WSB1: variants seen among roughly 807,000 people sequenced by gnomAD.
WSB1 encodes the protein WD repeat and SOCS box containing 1.
A neutral mutation model predicts 50.2 loss-of-function variants in WSB1; 23 were observed. The ratio of observed to expected loss-of-function variants is 0.46; its 90% CI spans 0.33 to 0.65. The LOEUF (loss-of-function observed/expected upper bound fraction) is 0.65. Among genes scored for constraint, WSB1 ranks in the 30% least tolerant of loss-of-function variants. The pLI, the probability that WSB1 is intolerant of heterozygous loss-of-function variation, is 0.02. For missense variants in WSB1, 492 were observed against 522.3 expected, an observed-to-expected ratio of 0.94 and a Z score of 0.56; for synonymous variants, 179 against 172.0, an observed-to-expected ratio of 1.04 and a Z score of -0.32.
chr17:27,296,049 G>T (rs1204659826), intron 1 of WSB1, among the ~76,000 whole-genome samples: 1 of 152,062 alleles, frequency 6.6e-6, no homozygotes, highest in East Asian at 1.9e-4. Context: ...GGTCAGGCTG[G>T]TCTCGAACTC....
At chr17:27,311,638 T>C (rs1365826121) in intron 8 of WSB1, 22 bp downstream of exon 8, 35 of 1,343,728 alleles carry the variant, frequency 2.6e-5, no homozygotes, top group Non-Finnish European at 3.4e-5. Context: ...TTTCTCTTTT[T>C]TTTTTTTTTT....
At chr17:27,294,485 G>C (rs756974743) in intron 1 of WSB1, 50 bp downstream of exon 1, 34 of 1,608,450 alleles carry the variant, frequency 2.1e-5, no homozygotes, top group Non-Finnish European at 3.4e-6. Flanking sequence ...GAGAGGCAGG[G>C]ACTCCCCGGA....
At chr17:27,310,239 C>G (rs539410618) in intron 7 of WSB1, 65 bp downstream of exon 7, 157 of 1,468,254 alleles carry the variant, frequency 1.1e-4, no homozygotes, top group Middle Eastern at 7.2e-4. Flanking sequence ...GCCTTAAAGC[C>G]TTTCTGCAGT....
Position 27,312,448 on chromosome 17 carries a change from CT to C in WSB1, c.*80del. On this transcript the variant is annotated 3_prime_UTR_variant, in exon 9 of 9. Transcript: ENST00000262394. Reference sequence around the variant, plus strand: ...CTCAAGCTTTACTGACTTCAATTATCTGTTTTTAAAGACGTAGAAGATTTAT... The same window carrying C: ...CTCAAGCTTTACTGACTTCAATTATCGTTTTTAAAGACGTAGAAGATTTAT... 1.3e-6 allele frequency: 2 copies of C among 1,544,020 alleles called. No homozygotes were observed. The highest frequency in any genetic ancestry group is 1.7e-6 in the Non-Finnish European group (2 of 1,144,966).
At chr17:27,296,537 A>G (rs932362025) in intron 1 of WSB1, among the ~76,000 whole-genome samples, 10 of 152,188 alleles carry the variant, frequency 6.6e-5, no homozygotes, top group Non-Finnish European at 4.4e-5. Flanking sequence ...TAGAGGCAAG[A>G]TTTCCATGAA....
rs1477152877 is a variant in WSB1 at position 27,306,807 on chromosome 17, G to T, written c.636G>T (p.Gly212=). 2 of 1,614,116 alleles carry T rather than the reference G, an allele frequency of 1.2e-6. No individual in the cohort carries two copies. The change falls in exon 5 of 9, where the codon GGG becomes GGT. Residue 212 remains glycine, a synonymous_variant. Coordinates refer to ENST00000262394, the MANE Select transcript of WSB1 (RefSeq NM_015626.10). ...GAAACATGATGAAAGTATTGAGGGG[G>T]CATCAGAATTGGGTGTACAGCTGTG... ...DDGNMMKVLR[G]HQNWVYSCAF...
chr17:27,306,499 G>A (rs1391490542), intron 4 of WSB1, among the ~76,000 whole-genome samples: 1 of 152,088 alleles, frequency 6.6e-6, no homozygotes, highest in Non-Finnish European at 1.5e-5. Flanking sequence ...ACAGACAAGA[G>A]CCACCGCGCC....
At chr17:27,305,165 C>T (rs190822387) in intron 4 of WSB1, among the ~76,000 whole-genome samples, 58 of 152,270 alleles carry the variant, frequency 3.8e-4, no homozygotes, top group African/African-American at 1.3e-3. Context: ...TCTGTATCAA[C>T]TATCTGAGGA....
chr17:27,298,274 A>G (rs1257312719), intron 1 of WSB1, among the ~76,000 whole-genome samples: 1 of 152,132 alleles, frequency 6.6e-6, no homozygotes, highest in Non-Finnish European at 1.5e-5. Context: ...TTACATAAAT[A>G]TTCTCCATAG....
At chr17:27,307,992 A>AAAAT (rs1597766315) in intron 5 of WSB1, 2 of 1,240,034 alleles carry the variant, frequency 1.6e-6, no homozygotes, top group African/African-American at 3.1e-5. Flanking sequence ...CCCCCACAGT[A>AAAAT]AAATACACTG....
chr17:27,310,187 A>G lies in WSB1; in HGVS notation c.998+13A>G, dbSNP rs1365384525. The G allele has an allele frequency of 4.3e-6, 7 of 1,610,532 alleles. No individual in the cohort carries two copies. In the Admixed American group the frequency reaches 5.0e-5, roughly 12 times the overall value. On this transcript the variant is annotated intron_variant, in intron 7 of 8. Coordinates refer to ENST00000262394, the MANE Select transcript of WSB1 (RefSeq NM_015626.10). The stretch of plus-strand genomic sequence containing the variant: ...TTGCTGATGATAAGTAAGTATGTGC[A>G]TTATAGCTTGACTGACTTACTATTA...
Position 27,312,584 on chromosome 17 carries a change from TC to T in WSB1, c.*216del. ...TATCAAATATAAATTTTTTTAAAGA[TC>T]TAACTGTGAAAACATACATACCTGT... On this transcript the variant is annotated 3_prime_UTR_variant, in exon 9 of 9. Coordinates refer to ENST00000262394, the MANE Select transcript of WSB1 (RefSeq NM_015626.10). 1.7e-6 allele frequency: 1 copy of T among 576,910 alleles called. No individual in the cohort carries two copies. The highest frequency in any genetic ancestry group is 2.8e-6 in the Non-Finnish European group (1 of 355,860). The allele number at this position is 576,910 out of a possible 1,614,324, so 35.7% of individuals were successfully genotyped here.
chr17:27,308,188 A>G, intron 5 of WSB1: 2 of 987,504 alleles, frequency 2.0e-6, no homozygotes, highest in Non-Finnish European at 2.4e-6. Context: ...TTTTAGAAAT[A>G]ATGTATTGTG....
chr17:27,297,523 G>A (rs938238696), intron 1 of WSB1, among the ~76,000 whole-genome samples: 2 of 151,206 alleles, frequency 1.3e-5, no homozygotes, highest in Non-Finnish European at 2.9e-5. Flanking sequence ...GCTGGAGTGC[G>A]GTTGTGAAAT....
At chr17:27,294,649 G>C (rs774007381) in intron 1 of WSB1, among the ~76,000 whole-genome samples, 44 of 152,208 alleles carry the variant, frequency 2.9e-4, no homozygotes, top group Non-Finnish European at 5.0e-4. Context: ...GCTCCCTCGC[G>C]GTTGCTGTGT....
chr17:27,314,571 A>G lies in WSB1; in HGVS notation c.*2202A>G, dbSNP rs2017794567. ...AGCCTGGGTGACAGAGTAAGACTCT[A>G]AATAAATAAGATACCATTACTTTTC... On this transcript the variant is annotated 3_prime_UTR_variant, in exon 9 of 9. Coordinates refer to ENST00000262394, the MANE Select transcript of WSB1 (RefSeq NM_015626.10). 2 of 152,168 alleles carry G rather than the reference A, an allele frequency of 1.3e-5. No individual in the cohort carries two copies. Among genetic ancestry groups the G allele is most frequent in the Non-Finnish European group, 1.5e-5 (1 of 68,032 alleles). The allele number at this position is 152,168 out of a possible 1,614,324, so 9.4% of individuals were successfully genotyped here. A position where few individuals can be genotyped will look rare whatever the true frequency, so the allele number is the denominator to read the frequency against.
At chr17:27,303,172 T>G (rs146128453) in intron 2 of WSB1, 195 bp from the exon 3 acceptor site, 11 of 577,240 alleles carry the variant, frequency 1.9e-5, no homozygotes, top group Non-Finnish European at 3.1e-5. Context: ...ACTCAGTCAC[T>G]GAGAATTTCT....
intron 2 of WSB1, 146 bp from the exon 3 acceptor site, chr17:27,303,221 C>T: frequency 2.3e-6 from 2 of 875,100 alleles, no homozygotes; most frequent in Middle Eastern, 2.7e-4. Context: ...ATCAACCTTT[C>T]CCTTCCTATC....
chr17:27,307,102 T>C, intron 5 of WSB1: 1 of 532,142 alleles, frequency 1.9e-6, no homozygotes, highest in East Asian at 3.3e-5. Context: ...TAGATAATAA[T>C]GGGCATATCA....
Sources: gnomAD v4.1 joint callset for allele counts (sites outside exome capture counted in the v4.1 genomes callset) on GRCh38, gnomAD v4.1.1 for gene constraint, MANE v1.5 for transcripts, NCBI Gene and HGNC (gene_info 2026-07-23, HGNC 2026-07-21) for gene names.